GARNL3: variants seen among roughly 807,000 people sequenced by gnomAD.
GARNL3 encodes GTPase activating Rap/RanGAP domain like 3.
A neutral mutation model predicts 125.0 loss-of-function variants in GARNL3; 63 were observed. That is an observed-to-expected ratio of 0.50 (90% CI 0.41 to 0.62). The LOEUF is 0.62. GARNL3 is among the 20% of genes least tolerant of loss of function. The pLI, the probability that GARNL3 is intolerant of heterozygous loss-of-function variation, is 0.00. For missense variants in GARNL3, 994 were observed against 1,244.0 expected, an observed-to-expected ratio of 0.80 and a Z score of 3.02; for synonymous variants, 439 against 457.5, an observed-to-expected ratio of 0.96 and a Z score of 0.52.
intron 12 of GARNL3, among the ~76,000 whole-genome samples, chr9:127,339,063 T>C (rs969031438): frequency 1.3e-5 from 2 of 152,096 alleles, no homozygotes; most frequent in Non-Finnish European, 2.9e-5. Flanking sequence ...TTTGGAAGGC[T>C]GAGGCGGGCG....
intron 2 of GARNL3, among the ~76,000 whole-genome samples, chr9:127,247,472 G>A (rs924062140): frequency 3.9e-5 from 6 of 152,026 alleles, no homozygotes; most frequent in South Asian, 4.1e-4. Flanking sequence ...CTCTTTCCCC[G>A]TGCTTCTTGA....
intron 4 of GARNL3, among the ~76,000 whole-genome samples, chr9:127,314,160 A>G (rs1356367160): frequency 6.6e-6 from 1 of 152,204 alleles, no homozygotes. Flanking sequence ...GGTCTCCGCT[A>G]GTCTCTGAAT....
Position 127,354,419 on chromosome 9 carries a change from A to G in GARNL3, c.1759+9A>G. On this transcript the variant is annotated intron_variant, in intron 19 of 27. Transcript: ENST00000373387. ...GTTGGAGAAAACAAAAGGTGACTTGATAGATTGGTAGATTCCATTCGATTC... is the reference window on the plus strand; with the variant it reads ...GTTGGAGAAAACAAAAGGTGACTTGGTAGATTGGTAGATTCCATTCGATTC... 1.3e-6 allele frequency: 2 copies of G among 1,515,930 alleles called. No individual in the cohort carries two copies. Among genetic ancestry groups the G allele is most frequent in the Non-Finnish European group, 1.8e-6 (2 of 1,094,238 alleles). The allele number at this position is 1,515,930 out of a possible 1,614,324, so 93.9% of individuals were successfully genotyped here.
At chr9:127,260,193 G>A (rs944688750), upstream of GARNL3, among the ~76,000 whole-genome samples, 27 of 152,162 alleles carry the variant, frequency 1.8e-4, no homozygotes, top group African/African-American at 6.5e-4. Flanking sequence ...TCCTCCCATG[G>A]ATAGAAACCT....
Position 127,347,218 on chromosome 9 carries a change from A to C in GARNL3, c.1432-1706A>C, listed in dbSNP as rs190773863. 2.6e-5 allele frequency among the ~76,000 whole-genome samples: 4 copies of C among 152,196 alleles called. No individual in the cohort carries two copies. In the East Asian group the frequency reaches 7.7e-4, roughly 29 times the overall value. On this transcript the variant is annotated intron_variant, in intron 16 of 27. Coordinates refer to ENST00000373387, the MANE Select transcript of GARNL3 (RefSeq NM_032293.5). The stretch of plus-strand genomic sequence containing the variant: ...GAGGACTACTTGAGCCCAGGATTGG[A>C]GACCACCCTGGGCAACATGGTGAGA...
chr9:127,320,913 G>T (rs2065379232), intron 6 of GARNL3, 135 bp downstream of exon 6: 1 of 631,828 alleles, frequency 1.6e-6, no homozygotes, highest in African/African-American at 1.8e-5. Context: ...ATCATCATGG[G>T]AGAACCTCAC....
chr9:127,340,083 G>A (rs762696201), intron 13 of GARNL3, among the ~76,000 whole-genome samples: 38 of 152,156 alleles, frequency 2.5e-4, no homozygotes, highest in Non-Finnish European at 4.7e-4. Context: ...CTGTCAGAGA[G>A]TGGGATGTAG....
At chr9:127,375,789 G>A (rs1831870683) in intron 22 of GARNL3, among the ~76,000 whole-genome samples, 1 of 152,162 alleles carries the variant, frequency 6.6e-6, no homozygotes, top group Non-Finnish European at 1.5e-5. Context: ...GTTCCTTCTT[G>A]TGTCACTCAC....
At position 127,384,956 on chromosome 9, in the gene GARNL3, A is replaced by T; in HGVS notation, c.2270-71A>T. The T allele has an allele frequency of 1.3e-6, 1 of 787,110 alleles. No homozygotes were observed. The highest frequency in any genetic ancestry group is 2.1e-6 in the Non-Finnish European group (1 of 476,984). 48.8% of individuals were successfully genotyped at this position (787,110 alleles called of 1,614,324 possible). The stretch of plus-strand genomic sequence containing the variant: ...AGTTTCTAGAGAAGTGAGTGTGACT[A>T]TGACACAGTCACAGCCCCTTCGCGG... On this transcript the variant is annotated intron_variant, in intron 23 of 27. Coordinates refer to ENST00000373387, the MANE Select transcript of GARNL3 (RefSeq NM_032293.5). The surrounding 1 kb of genome is among the most constrained non-coding windows in gnomAD (Gnocchi z 4.0).
At chr9:127,274,840 A>C (rs1351246721) in intron 1 of GARNL3, among the ~76,000 whole-genome samples, 1 of 152,248 alleles carries the variant, frequency 6.6e-6, no homozygotes, top group Non-Finnish European at 1.5e-5. Flanking sequence ...TGAGTACAGC[A>C]GTTTTCTACC....
In GARNL3 at chr9:127,313,692, T is replaced by A; in HGVS notation, c.438+133T>A. 4.2e-6 allele frequency: 3 copies of A among 707,976 alleles called. No individual in the cohort carries two copies. In the Admixed American group the frequency reaches 5.9e-5, roughly 14 times the overall value. 43.9% of individuals were successfully genotyped at this position (707,976 alleles called of 1,614,324 possible). ...CTTCTCGTGATTCACCTCTGAGAAG[T>A]TGACAGTGCCTTTGCCCAAAGCACC... On this transcript the variant is annotated intron_variant, in intron 4 of 27. Transcript: ENST00000373387.
At chr9:127,329,488 A>T in intron 7 of GARNL3, among the ~76,000 whole-genome samples, 1 of 151,934 alleles carries the variant, frequency 6.6e-6, no homozygotes, top group South Asian at 2.1e-4. Flanking sequence ...GACCCTAATA[A>T]CTTGTGATGA....
At chr9:127,387,021 G>T (rs529543197) in intron 24 of GARNL3, 172 bp from the exon 25 acceptor site, 56 of 567,962 alleles carry the variant, frequency 9.9e-5, no homozygotes, top group Non-Finnish European at 1.2e-5. Context: ...AACTAGCCAC[G>T]CTGGGCTTTC....
chr9:127,267,628 GTTC>G, intron 1 of GARNL3, among the ~76,000 whole-genome samples: 2 of 152,254 alleles, frequency 1.3e-5, no homozygotes, highest in Non-Finnish European at 2.9e-5. Context: ...GCAGAGCTCC[GTTC>G]TTATTATCTG....
At chr9:127,335,779 A>G (rs1829518869) in intron 10 of GARNL3, among the ~76,000 whole-genome samples, 1 of 152,094 alleles carries the variant, frequency 6.6e-6, no homozygotes, top group Non-Finnish European at 1.5e-5. Context: ...ACTCTCCAGG[A>G]CATATCATAA....
At chr9:127,332,174 C>A in intron 7 of GARNL3, 100 bp from the exon 8 acceptor site, 1 of 803,260 alleles carries the variant, frequency 1.2e-6, no homozygotes, top group Non-Finnish European at 2.1e-6. Flanking sequence ...ACTGTCCATC[C>A]TGGTGACTGC....
intron 2 of GARNL3, chr9:127,245,476 C>G (rs1428489020): frequency 6.6e-6 from 1 of 152,268 alleles, no homozygotes; most frequent in African/African-American, 2.4e-5. Flanking sequence ...TCTGGACTTG[C>G]GTGGCCTCAC....
intron 1 of GARNL3, among the ~76,000 whole-genome samples, chr9:127,279,144 C>T (rs1463907405): frequency 6.6e-6 from 1 of 152,080 alleles, no homozygotes; most frequent in East Asian, 1.9e-4. Context: ...GAGCCAGTTC[C>T]AATTCAGTTT....
At chr9:127,372,473 T>G (rs1274994514) in intron 22 of GARNL3, among the ~76,000 whole-genome samples, 1 of 152,252 alleles carries the variant, frequency 6.6e-6, no homozygotes, top group South Asian at 2.1e-4. Context: ...ATCTGACTTG[T>G]ACAAAATATC....
Sources: allele counts gnomAD v4.1 joint callset (sites outside exome capture counted in the v4.1 genomes callset), GRCh38; gene constraint gnomAD v4.1.1; non-coding constraint Gnocchi (gnomAD v3.1); transcripts MANE v1.5; gene names NCBI Gene and HGNC (gene_info 2026-07-23, HGNC 2026-07-21).